The following NFAT5 variants were observed in gnomAD, a reference collection of about 807,000 sequenced individuals.
NFAT5 encodes the protein nuclear factor of activated T cells 5.
A neutral mutation model predicts 166.5 loss-of-function variants in NFAT5; 31 were observed. The ratio of observed to expected loss-of-function variants is 0.19; its 90% CI spans 0.14 to 0.25. The LOEUF is 0.25. Among genes scored for constraint, NFAT5 ranks in the 10% least tolerant of loss-of-function variants. NFAT5 has a pLI of 1.00. For synonymous variants in NFAT5, 612 were observed against 639.7 expected (o/e 0.96, Z 0.65); for missense variants, 1,449 against 1,821.8 (o/e 0.80, Z 3.72).
chr16:69,639,118 G>T (rs1320321745), intron 3 of NFAT5, among the ~76,000 whole-genome samples: 1 of 152,124 alleles, frequency 6.6e-6, no homozygotes, highest in African/African-American at 2.4e-5. Context: ...GTATCCAGTG[G>T]TACTTAAATC....
intron 7 of NFAT5, among the ~76,000 whole-genome samples, 182 bp from the exon 8 acceptor site, chr16:69,669,795 A>G (rs534577232): frequency 1.1e-4 from 17 of 152,364 alleles, no homozygotes; most frequent in African/African-American, 3.1e-4. Context: ...AACCAGTCAC[A>G]TGACCAAGCC....
chr16:69,654,147 C>T (rs2035788630), intron 5 of NFAT5, among the ~76,000 whole-genome samples: 1 of 152,060 alleles, frequency 6.6e-6, no homozygotes, highest in Admixed American at 6.5e-5. Flanking sequence ...TCTTTGAAGA[C>T]AAACCTCAAA....
At chr16:69,666,435 A>G (rs2036383265) in intron 7 of NFAT5, among the ~76,000 whole-genome samples, 1 of 151,420 alleles carries the variant, frequency 6.6e-6, no homozygotes, top group Non-Finnish European at 1.5e-5. Flanking sequence ...ACAAAGGGCT[A>G]ATATCCAGAA....
At position 69,647,825 on chromosome 16, in the gene NFAT5, A is replaced by G. The variant is rs1350450339; in HGVS notation, c.812+239A>G. 3.3e-5 allele frequency among the ~76,000 whole-genome samples: 5 copies of G among 152,132 alleles called. No individual in the cohort carries two copies. The South Asian group carries it at 1.0e-3, about 31-fold the overall frequency. ...ATTATCAGTATAGTTAGGTAGTAGA[A>G]AATGAAAATAATCTGTTCTGAAATA... On this transcript the variant is annotated intron_variant, in intron 4 of 14. Coordinates refer to ENST00000349945, the MANE Select transcript of NFAT5 (RefSeq NM_138713.4). This position sits in a 1 kb window ranked among gnomAD's most constrained non-coding sequence, Gnocchi z 4.8.
intron 3 of NFAT5, among the ~76,000 whole-genome samples, chr16:69,630,134 A>G (rs2034647751): frequency 6.6e-6 from 1 of 151,786 alleles, no homozygotes; most frequent in Non-Finnish European, 1.5e-5. Context: ...ACGGGGTTTC[A>G]TTGTGTTGGC....
At chr16:69,614,246 C>A (rs1401243353) in intron 2 of NFAT5, among the ~76,000 whole-genome samples, 1 of 151,740 alleles carries the variant, frequency 6.6e-6, no homozygotes, top group Non-Finnish European at 1.5e-5. Context: ...GCCTTGACAT[C>A]CTGGGATCAA....
intron 6 of NFAT5, among the ~76,000 whole-genome samples, chr16:69,657,486 C>T (rs568612461): frequency 3.2e-4 from 49 of 151,178 alleles, no homozygotes; most frequent in African/African-American, 1.1e-3. Flanking sequence ...GGGCTGGGCA[C>T]GCAGTGGCTC....
At chr16:69,640,298 T>C (rs1322956482) in intron 3 of NFAT5, among the ~76,000 whole-genome samples, 1 of 152,206 alleles carries the variant, frequency 6.6e-6, no homozygotes, top group Non-Finnish European at 1.5e-5. Flanking sequence ...CCTTCTTTCT[T>C]TCTCTCTTCC....
At chr16:69,648,216 G>A (rs1449946886) in intron 4 of NFAT5, 12 of 982,338 alleles carry the variant, frequency 1.2e-5, no homozygotes, top group East Asian at 1.1e-4. Context: ...GAAAGAACTA[G>A]CAATGTAATG....
At chr16:69,659,281 A>C (rs1597488149) in intron 6 of NFAT5, among the ~76,000 whole-genome samples, 1 of 151,906 alleles carries the variant, frequency 6.6e-6, no homozygotes, top group East Asian at 1.9e-4. Context: ...ATCTTTACTA[A>C]AAATACAAAA....
chr16:69,683,361 A>G (rs540259330), intron 10 of NFAT5, among the ~76,000 whole-genome samples: 19 of 152,002 alleles, frequency 1.2e-4, no homozygotes, highest in Non-Finnish European at 2.2e-4. Context: ...GCGAAACACC[A>G]TTTCTACCAA....
chr16:69,673,117 T>G (rs1044026232), intron 9 of NFAT5, among the ~76,000 whole-genome samples: 5 of 152,114 alleles, frequency 3.3e-5, no homozygotes, highest in African/African-American at 1.2e-4. Flanking sequence ...GGTTAAAGAA[T>G]AATAATCATA....
intron 2 of NFAT5, among the ~76,000 whole-genome samples, chr16:69,616,915 T>C (rs1271984848): frequency 6.6e-6 from 1 of 151,640 alleles, no homozygotes; most frequent in Non-Finnish European, 1.5e-5. Flanking sequence ...CTTATTCCTC[T>C]TGGACTCCAT....
intron 3 of NFAT5, among the ~76,000 whole-genome samples, chr16:69,638,307 G>T (rs2035055349): frequency 6.6e-6 from 1 of 152,154 alleles, no homozygotes; most frequent in African/African-American, 2.4e-5. Flanking sequence ...TGTCTAGGCA[G>T]TTTATTTTGT....
chr16:69,576,251 C>T (rs924092690), intron 2 of NFAT5, among the ~76,000 whole-genome samples: 7 of 147,920 alleles, frequency 4.7e-5, no homozygotes, highest in Non-Finnish European at 8.9e-5. Context: ...GAGATGGCGC[C>T]TCTGCACTCC....
intron 11 of NFAT5, chr16:69,685,187 TA>T (rs768166622): frequency 0.036 from 4,073 of 112,162 alleles, 184 homozygotes; most frequent in African/African-American, 0.14. Context: ...TATATATATA[TA>T]TATTTTTTTT....
chr16:69,635,060 G>A (rs909150886), intron 3 of NFAT5, among the ~76,000 whole-genome samples: 6 of 145,606 alleles, frequency 4.1e-5, no homozygotes, highest in Non-Finnish European at 7.5e-5. Flanking sequence ...ATCCAGGCTG[G>A]AGTGCAATGG....
chr16:69,622,688 A>G (rs1339095008), intron 2 of NFAT5, among the ~76,000 whole-genome samples: 1 of 152,172 alleles, frequency 6.6e-6, no homozygotes, highest in African/African-American at 2.4e-5. Flanking sequence ...AAATGGAGAT[A>G]AAATCCTGAT....
At chr16:69,572,418 T>C (rs985355470) in intron 2 of NFAT5, among the ~76,000 whole-genome samples, 1 of 151,822 alleles carries the variant, frequency 6.6e-6, no homozygotes, top group Admixed American at 6.6e-5. Flanking sequence ...TTTTGTATTT[T>C]CCATCTTTAA....
Sources: gnomAD v4.1 joint callset for allele counts (sites outside exome capture counted in the v4.1 genomes callset) on GRCh38, gnomAD v4.1.1 for gene constraint, Gnocchi (gnomAD v3.1) non-coding constraint, MANE v1.5 for transcripts, NCBI Gene and HGNC (gene_info 2026-07-23, HGNC 2026-07-21) for gene names.